Variants in EML6 observed in about 807,000 individuals in gnomAD.
EML6 encodes the protein EMAP like 6.
EML6 carries 154 observed loss-of-function variants against 240.1 expected under a neutral mutation model. The ratio of observed to expected loss-of-function variants is 0.64; its 90% CI spans 0.56 to 0.73. The LOEUF (loss-of-function observed/expected upper bound fraction) is 0.73. EML6 is among the 30% of genes least tolerant of loss of function. EML6 has a pLI of 0.00. For synonymous variants in EML6, 1,148 were observed against 899.0 expected, an observed-to-expected ratio of 1.28 and a Z score of -4.95; for missense variants, 2,964 against 2,474.6, an observed-to-expected ratio of 1.20 and a Z score of -4.20.
intron 21 of EML6, among the ~76,000 whole-genome samples, chr2:54,898,518 A>G (rs928461117): frequency 1.3e-5 from 2 of 152,164 alleles, no homozygotes; most frequent in Admixed American, 6.5e-5. Flanking sequence ...AATCCAATAA[A>G]TTCAAAAACA....
chr2:54,900,652 G>T (rs1193980222), intron 22 of EML6, among the ~76,000 whole-genome samples: 9 of 152,170 alleles, frequency 5.9e-5, no homozygotes, highest in East Asian at 1.9e-4. Context: ...GAAATAAATG[G>T]CCCGGCCTCC....
rs1490174131 is a variant in EML6 at position 54,962,510 on chromosome 2, T to G, written c.4969-13T>G. 2 of 1,533,212 alleles carry G rather than the reference T, an allele frequency of 1.3e-6. No homozygotes were observed. The highest frequency in any genetic ancestry group is 1.8e-6 in the Non-Finnish European group (2 of 1,136,944). The allele number at this position is 1,533,212 out of a possible 1,614,324, so 95.0% of individuals were successfully genotyped here. On this transcript the variant is annotated splice_polypyrimidine_tract_variant and intron_variant, in intron 35 of 41. Transcript: ENST00000356458. ...TATTTGTCCTTTTTCTAATAGTGTT[T>G]CAATTACAACAGGGAAAAATCTTAG...
chr2:54,734,504 G>C (rs191479622), intron 2 of EML6, among the ~76,000 whole-genome samples: 1 of 152,308 alleles, frequency 6.6e-6, no homozygotes, highest in Admixed American at 6.5e-5. Flanking sequence ...CTACTATTAA[G>C]GGTTTTTTAT....
At position 54,850,110 on chromosome 2, in the gene EML6, G is replaced by C; in HGVS notation, c.1336G>C (p.Glu446Gln). The change falls in exon 10 of 42, where the codon GAA (glutamate) becomes CAA (glutamine). Residue 446 changes from glutamate to glutamine, a missense_variant. Transcript: ENST00000356458. ...TGCCCAGAGGTATAAGAAAATTGGA[G>C]AATGCAGCAAGTCCCTTAGTTTCAT... ...AVAQRYKKIG[E>Q]CSKSLSFITH... The C allele has an allele frequency of 1.3e-6, 2 of 1,552,060 alleles. No homozygotes were observed. The highest frequency in any genetic ancestry group is 1.4e-5 in the African/African-American group (1 of 73,182).
In EML6 at chr2:54,724,504, GA is replaced by G. The variant is rs1485646498; in HGVS notation, c.-513-40del. 1 of 152,148 alleles carries G rather than the reference GA, an allele frequency of 6.6e-6. No individual in the cohort carries two copies. Among genetic ancestry groups the G allele is most frequent in the Non-Finnish European group, 1.5e-5 (1 of 68,030 alleles). 9.4% of individuals were successfully genotyped at this position (152,148 alleles called of 1,614,324 possible). A position where few individuals can be genotyped will look rare whatever the true frequency, so the allele number is the denominator to read the frequency against. On this transcript the variant is annotated intron_variant, in intron 1 of 41. Coordinates refer to ENST00000356458, the MANE Select transcript of EML6 (RefSeq NM_001039753.4). This position sits in a 1 kb window ranked among gnomAD's most constrained non-coding sequence, Gnocchi z 5.2. Reference sequence around the variant, plus strand: ...TTTTCTTGGATTGGGTGACTTATGCGAAAAATCTGTTTCTTTCTTCCTCGCT... The same window carrying G: ...TTTTCTTGGATTGGGTGACTTATGCGAAAATCTGTTTCTTTCTTCCTCGCT...
chr2:54,750,440 G>A (rs898074740), intron 2 of EML6, among the ~76,000 whole-genome samples: 2 of 152,154 alleles, frequency 1.3e-5, no homozygotes, highest in African/African-American at 2.4e-5. Flanking sequence ...GAGACTTTCA[G>A]TTCAGGGTAA....
At chr2:54,944,694 C>T (rs989503833) in intron 28 of EML6, among the ~76,000 whole-genome samples, 1 of 152,102 alleles carries the variant, frequency 6.6e-6, no homozygotes, top group Non-Finnish European at 1.5e-5. Context: ...AGAGCATTTT[C>T]AAGAGGGTAG....
In EML6 at chr2:54,972,020, AAC is replaced by A. The variant is rs1365331237; in HGVS notation, c.*1929_*1930del. On this transcript the variant is annotated 3_prime_UTR_variant, in exon 42 of 42. Transcript: ENST00000356458. ...GTGTCAAATAAAATTTGATTATGTAAACACATTTGTTGACTTTTGTTTCCACA... is the reference window on the plus strand; with the variant it reads ...GTGTCAAATAAAATTTGATTATGTAAACATTTGTTGACTTTTGTTTCCACA... The A allele has an allele frequency of 6.6e-6, 1 of 151,394 alleles. No homozygotes were observed. The highest frequency in any genetic ancestry group is 1.5e-5 in the Non-Finnish European group (1 of 67,850). The allele number at this position is 151,394 out of a possible 1,614,324, so 9.4% of individuals were successfully genotyped here. A position where few individuals can be genotyped will look rare whatever the true frequency, so the allele number is the denominator to read the frequency against.
chr2:54,726,240 A>G (rs2104359129), intron 2 of EML6, among the ~76,000 whole-genome samples: 1 of 152,316 alleles, frequency 6.6e-6, no homozygotes, highest in South Asian at 2.1e-4. Context: ...GACCATATTT[A>G]TACCTTCCAA....
chr2:54,867,868 A>G (rs1671051911), intron 14 of EML6: 1 of 152,148 alleles, frequency 6.6e-6, no homozygotes. Context: ...TTACCCTAAC[A>G]TAATCTTTTT....
In EML6 at chr2:54,954,035, C is replaced by T. The variant is rs1180126832; in HGVS notation, c.4365C>T (p.Ser1455=). ...ACGCCATGACCAAACACACCCTCTC[C>T]ATGCTGCGGTGCTTCCACTCCAAGG... ...IWDAMTKHTL[S]MLRCFHSKGV... The change falls in exon 32 of 42, where the codon TCC becomes TCT. Residue 1455 remains serine, a synonymous_variant. Coordinates refer to ENST00000356458, the MANE Select transcript of EML6 (RefSeq NM_001039753.4). 1.3e-6 allele frequency: 2 copies of T among 1,551,936 alleles called. No individual in the cohort carries two copies. The highest frequency in any genetic ancestry group is 2.4e-5 in the South Asian group (2 of 84,004).
rs2104559920 is a variant in EML6 at position 54,968,112 on chromosome 2, C to G, written c.5598-16C>G. 1.9e-6 allele frequency: 3 copies of G among 1,550,268 alleles called. No homozygotes were observed. The highest frequency in any genetic ancestry group is 1.7e-6 in the Non-Finnish European group (2 of 1,146,886). On this transcript the variant is annotated splice_polypyrimidine_tract_variant and intron_variant, in intron 39 of 41. Transcript: ENST00000356458. ...GTGACTTCCTTCTATCCTAACCCCT[C>G]TTTCTGTTGGAACAGCGTCCTGGGA...
intron 26 of EML6, among the ~76,000 whole-genome samples, chr2:54,920,066 T>A (rs1674141491): frequency 6.6e-6 from 1 of 152,036 alleles, no homozygotes; most frequent in African/African-American, 2.4e-5. Context: ...ACTGTAGAAT[T>A]AAGAAAGAAA....
At chr2:54,908,351 A>G (rs1453390945) in intron 24 of EML6, among the ~76,000 whole-genome samples, 1 of 152,076 alleles carries the variant, frequency 6.6e-6, no homozygotes, top group Non-Finnish European at 1.5e-5. Flanking sequence ...CTGAGACCAC[A>G]GGTGCCTGCC....
intron 2 of EML6, among the ~76,000 whole-genome samples, chr2:54,772,955 G>T (rs1353032299): frequency 1.3e-5 from 2 of 152,346 alleles, no homozygotes; most frequent in East Asian, 1.9e-4. Flanking sequence ...TGACTTGATG[G>T]TCTGAGAGCT....
intron 2 of EML6, among the ~76,000 whole-genome samples, chr2:54,756,656 CT>C (rs528810077): frequency 1.3e-5 from 2 of 151,102 alleles, no homozygotes; most frequent in East Asian, 1.9e-4. Context: ...TACAAAAAGC[CT>C]TTTTTTTGAT....
Position 54,888,828 on chromosome 2 carries a change from G to A in EML6, c.2439-2226G>A, listed in dbSNP as rs186604275. ...TTATGAAGCTGCTATAAATATCCAT[G>A]TGCAGGTTTCTGTGTGGACATAAGT... On this transcript the variant is annotated intron_variant, in intron 17 of 41. Coordinates refer to ENST00000356458, the MANE Select transcript of EML6 (RefSeq NM_001039753.4). Among the ~76,000 whole-genome samples, 4 of 152,170 alleles carry A rather than the reference G, an allele frequency of 2.6e-5. No homozygotes were observed. In the South Asian group the frequency reaches 8.3e-4, roughly 32 times the overall value.
intron 28 of EML6, among the ~76,000 whole-genome samples, chr2:54,932,766 C>T (rs529416295): frequency 3.3e-5 from 5 of 152,274 alleles, no homozygotes; most frequent in Non-Finnish European, 5.9e-5. Context: ...CAGTTTTCCC[C>T]AATTCGTCAA....
intron 7 of EML6, among the ~76,000 whole-genome samples, chr2:54,838,205 G>A (rs578038385): frequency 4.1e-4 from 63 of 152,302 alleles, no homozygotes; most frequent in Non-Finnish European, 7.6e-4. Flanking sequence ...TACAGGGCTC[G>A]GATGTGACCA....
Sources: gnomAD v4.1 joint callset for allele counts (sites outside exome capture counted in the v4.1 genomes callset) on GRCh38, gnomAD v4.1.1 for gene constraint, Gnocchi (gnomAD v3.1) non-coding constraint, MANE v1.5 for transcripts, NCBI Gene and HGNC (gene_info 2026-07-23, HGNC 2026-07-21) for gene names.